The following ALKBH8 variants were observed in gnomAD, a reference collection of about 807,000 sequenced individuals.
ALKBH8 encodes the protein tRNA (carboxymethyluridine(34)-5-O)-methyltransferase ALKBH8.
A neutral mutation model predicts 59.8 loss-of-function variants in ALKBH8; 36 were observed. That is an observed-to-expected ratio of 0.60 (90% confidence interval 0.46 to 0.79). ALKBH8 has a LOEUF of 0.79. Ranked by LOEUF, ALKBH8 falls within the 30% of genes least tolerant of loss-of-function variation. The pLI, the probability that ALKBH8 is intolerant of heterozygous loss-of-function variation, is 0.00. For missense variants in ALKBH8, 768 were observed against 801.0 expected, an observed-to-expected ratio of 0.96 and a Z score of 0.50; for synonymous variants, 276 against 273.6, an observed-to-expected ratio of 1.01 and a Z score of -0.09.
At chr11:107,535,346 G>A (rs1011639557) in intron 7 of ALKBH8, among the ~76,000 whole-genome samples, 5 of 152,136 alleles carry the variant, frequency 3.3e-5, no homozygotes, top group African/African-American at 1.2e-4. Flanking sequence ...TTCCAAAGTG[G>A]TTGTACTACT....
chr11:107,528,037 T>G (rs1321774708), intron 8 of ALKBH8, among the ~76,000 whole-genome samples: 2 of 152,118 alleles, frequency 1.3e-5, no homozygotes, highest in Non-Finnish European at 2.9e-5. Flanking sequence ...TACTAAATTT[T>G]GTCAAATATA....
At chr11:107,531,371 A>C (rs1863585275) in intron 8 of ALKBH8, among the ~76,000 whole-genome samples, 1 of 152,196 alleles carries the variant, frequency 6.6e-6, no homozygotes, top group African/African-American at 2.4e-5. Flanking sequence ...CCCTAGCAGA[A>C]GCACATACTA....
rs2135581621 is a variant in ALKBH8 at position 107,555,457 on chromosome 11, T to C, written c.367+1309A>G. Among the ~76,000 whole-genome samples, 2 of 152,332 alleles carry C rather than the reference T, an allele frequency of 1.3e-5. 1 individual carries two copies. The highest frequency in any genetic ancestry group is 6.8e-3 in the Middle Eastern group (2 of 294). ...CCATGGAGGACGGGGGTAAACCCAA[T>C]GACTATTTTCTGATTAAAACTTACT... On this transcript the variant is annotated intron_variant, in intron 3 of 11. Transcript: ENST00000428149.
chr11:107,537,317 A>G (rs1422305617), intron 7 of ALKBH8, among the ~76,000 whole-genome samples: 1 of 152,244 alleles, frequency 6.6e-6, no homozygotes, highest in Non-Finnish European at 1.5e-5. Context: ...ATGCCCATCA[A>G]TGATAGACTA....
In ALKBH8 at chr11:107,565,727, G is replaced by A. The variant is rs1865109647; in HGVS notation, c.-133C>T. 1 of 1,488,932 alleles carries A rather than the reference G, an allele frequency of 6.7e-7. No homozygotes were observed. Among genetic ancestry groups the A allele is most frequent in the Admixed American group, 2.0e-5 (1 of 50,942 alleles). 92.2% of individuals were successfully genotyped at this position (1,488,932 alleles called of 1,614,324 possible). Reference sequence around the variant, plus strand: ...ATCTCCCCTGGGCGCGGCCATGTTGGAGAAAACTGCACTACATTTCCCATG... The same window carrying A: ...ATCTCCCCTGGGCGCGGCCATGTTGAAGAAAACTGCACTACATTTCCCATG... On this transcript the variant is annotated 5_prime_UTR_variant, in exon 1 of 12. Transcript: ENST00000428149.
At chr11:107,518,465 C>A (rs1591261128) in intron 10 of ALKBH8, among the ~76,000 whole-genome samples, 1 of 152,224 alleles carries the variant, frequency 6.6e-6, no homozygotes, top group South Asian at 2.1e-4. Context: ...TGGCCATAAA[C>A]AAAATCTCTG....
chr11:107,557,060 C>T, intron 2 of ALKBH8, 57 bp from the exon 3 acceptor site: 2 of 1,183,894 alleles, frequency 1.7e-6, no homozygotes, highest in South Asian at 2.5e-5. Flanking sequence ...GATACCAACC[C>T]ATTTGTTTTA....
At chr11:107,530,074 A>C (rs1863522854) in intron 8 of ALKBH8, among the ~76,000 whole-genome samples, 1 of 152,212 alleles carries the variant, frequency 6.6e-6, no homozygotes, top group South Asian at 2.1e-4. Flanking sequence ...AGAAGCTGAA[A>C]ATTCAAATTT....
At chr11:107,509,832 T>C (rs907715813) in intron 11 of ALKBH8, among the ~76,000 whole-genome samples, 4 of 152,166 alleles carry the variant, frequency 2.6e-5, no homozygotes, top group Non-Finnish European at 5.9e-5. Context: ...CAACATATAT[T>C]TGTGATTGCA....
At position 107,538,014 on chromosome 11, in the gene ALKBH8, C is replaced by A. The variant is rs182854565; in HGVS notation, c.772-5608G>T. On this transcript the variant is annotated intron_variant, in intron 7 of 11. Transcript: ENST00000428149. Reference sequence around the variant, plus strand: ...TGGGCCCCACAATTTAGATAGCCGGCCTTGGAAGTTCTGAATTTTTTTTTA... The same window carrying A: ...TGGGCCCCACAATTTAGATAGCCGGACTTGGAAGTTCTGAATTTTTTTTTA... Among the ~76,000 whole-genome samples, 83 of 151,992 alleles carry A rather than the reference C, an allele frequency of 5.5e-4. 1 individual carries two copies. The highest frequency in any genetic ancestry group is 3.7e-3 in the Admixed American group (57 of 15,264).
chr11:107,539,315 A>G (rs1455755820), intron 7 of ALKBH8, among the ~76,000 whole-genome samples: 1 of 152,170 alleles, frequency 6.6e-6, no homozygotes, highest in East Asian at 1.9e-4. Context: ...ATCAAGGCCC[A>G]CTGGCTAGGT....
At chr11:107,556,104 C>T (rs1301303931) in intron 3 of ALKBH8, among the ~76,000 whole-genome samples, 1 of 152,056 alleles carries the variant, frequency 6.6e-6, no homozygotes, top group East Asian at 1.9e-4. Context: ...ACGGTGAAAC[C>T]CCATCTCTAC....
chr11:107,536,109 A>C (rs1863803913), intron 7 of ALKBH8, among the ~76,000 whole-genome samples: 1 of 152,220 alleles, frequency 6.6e-6, no homozygotes, highest in Non-Finnish European at 1.5e-5. Flanking sequence ...CCATGTCCAC[A>C]TAAGGCAAAC....
rs1439787137 is a variant in ALKBH8, at chr11:107,503,232, G to A, written c.*1426C>T. ...CCCTATATTCCTTTTCCTATATCATGAGCCTTATAAATTCATCCCAGAGGG... is the reference window on the plus strand; with the variant it reads ...CCCTATATTCCTTTTCCTATATCATAAGCCTTATAAATTCATCCCAGAGGG... On this transcript the variant is annotated 3_prime_UTR_variant, in exon 12 of 12. Transcript: ENST00000428149. 2.0e-5 allele frequency: 3 copies of A among 152,008 alleles called. No individual in the cohort carries two copies. The East Asian group carries it at 5.8e-4, about 29-fold the overall frequency. 9.4% of individuals were successfully genotyped at this position (152,008 alleles called of 1,614,324 possible). A position where few individuals can be genotyped will look rare whatever the true frequency, so the allele number is the denominator to read the frequency against.
chr11:107,556,884 T>C lies in ALKBH8; in HGVS notation c.249A>G (p.Ser83=). The change falls in exon 3 of 12, where the codon TCA becomes TCG. Residue 83 remains serine, a synonymous_variant. Transcript: ENST00000428149. ...ALLMPPNKPY[S]FARYRTTEES... ...CTTCTGTAGTTCTGTATCTTGCAAA[T>C]GAGTACGGCTTGTTAGGTGGCATTA... 6.2e-7 allele frequency: 1 copy of C among 1,610,576 alleles called. No individual in the cohort carries two copies.
chr11:107,525,790 A>G (rs965214563), intron 8 of ALKBH8, among the ~76,000 whole-genome samples, 198 bp from the exon 9 acceptor site: 1 of 152,070 alleles, frequency 6.6e-6, no homozygotes, highest in Non-Finnish European at 1.5e-5. Context: ...CAATAATATT[A>G]AAAGAATGTA....
chr11:107,558,847 A>G (rs1166749915), intron 2 of ALKBH8, among the ~76,000 whole-genome samples: 1 of 152,188 alleles, frequency 6.6e-6, no homozygotes, highest in East Asian at 1.9e-4. Context: ...TGGTCCTGAC[A>G]ATTTGAGGAT....
chr11:107,556,771 TCCACAAAA>T lies in ALKBH8; in HGVS notation c.354_361del (p.Asn118LysfsTer27), dbSNP rs1203893588. The T allele has an allele frequency of 7.4e-7, 1 of 1,352,088 alleles. No individual in the cohort carries two copies. The highest frequency in any genetic ancestry group is 2.9e-5 in the Admixed American group (1 of 34,738). The allele number at this position is 1,352,088 out of a possible 1,614,324, so 83.8% of individuals were successfully genotyped here. A position where few individuals can be genotyped will look rare whatever the true frequency, so the allele number is the denominator to read the frequency against. ...AGATAATTGTATGATAATACCTTTT[TCCACAAAA>T]TTCAAATACAGAGTGATCTTTTGTC... On this transcript the variant is annotated frameshift_variant, in exon 3 of 12. Coordinates refer to ENST00000428149, the MANE Select transcript of ALKBH8 (RefSeq NM_138775.3). LOFTEE classifies it high-confidence loss of function.
intron 7 of ALKBH8, among the ~76,000 whole-genome samples, chr11:107,538,661 G>T (rs1291660372): frequency 1.3e-5 from 2 of 152,124 alleles, no homozygotes; most frequent in African/African-American, 4.8e-5. Flanking sequence ...AAAAATGCCA[G>T]ACACAGTTAT....
Sources: gnomAD v4.1 joint callset for allele counts (sites outside exome capture counted in the v4.1 genomes callset) on GRCh38, gnomAD v4.1.1 for gene constraint, MANE v1.5 for transcripts, NCBI Gene and HGNC (gene_info 2026-07-23, HGNC 2026-07-21) for gene names.